EFNA5: variants seen among roughly 807,000 people sequenced by gnomAD.
EFNA5 encodes the protein ephrin A5, also known as ephrin-A5.
A neutral mutation model predicts 22.9 loss-of-function variants in EFNA5; 5 were observed. The observed-to-expected ratio is 0.22, with a 90% CI of 0.11 to 0.46. The LOEUF (loss-of-function observed/expected upper bound fraction) is 0.46, where lower values mean the gene tolerates loss of function less well. Ranked by LOEUF, EFNA5 falls within the 20% of genes least tolerant of loss-of-function variation. The probability of loss-of-function intolerance (pLI) is 0.99; values close to 1 mark genes in which losing one functional copy is unlikely to be tolerated. For missense variants in EFNA5, 237 were observed against 293.3 expected, an observed-to-expected ratio of 0.81 and a Z score of 1.40; for synonymous variants, 113 against 112.2, an observed-to-expected ratio of 1.01 and a Z score of -0.04.
At chr5:107,443,428 G>A (rs1451138079) in intron 1 of EFNA5, among the ~76,000 whole-genome samples, 2 of 152,194 alleles carry the variant, frequency 1.3e-5, no homozygotes, top group African/African-American at 4.8e-5. Context: ...ACCCCCTCAA[G>A]AACAGCATAA....
At chr5:107,662,737 T>C (rs993211765) in intron 1 of EFNA5, among the ~76,000 whole-genome samples, 1 of 149,778 alleles carries the variant, frequency 6.7e-6, no homozygotes, top group Admixed American at 6.7e-5. Context: ...GAGGTACCTA[T>C]ACTCTTATCA....
At chr5:107,590,208 T>C (rs753516437) in intron 1 of EFNA5, among the ~76,000 whole-genome samples, 10 of 151,966 alleles carry the variant, frequency 6.6e-5, no homozygotes, top group Non-Finnish European at 1.3e-4. Flanking sequence ...TAGAAAAAAA[T>C]GCTAAAAGAA....
At chr5:107,480,302 ACTTTT>A (rs1750425126) in intron 1 of EFNA5, among the ~76,000 whole-genome samples, 1 of 152,260 alleles carries the variant, frequency 6.6e-6, no homozygotes, top group Non-Finnish European at 1.5e-5. Context: ...AATAGTCATT[ACTTTT>A]ATTTAAAATT....
chr5:107,429,889 A>G (rs1044855915), intron 1 of EFNA5, among the ~76,000 whole-genome samples: 4 of 152,236 alleles, frequency 2.6e-5, no homozygotes, highest in African/African-American at 9.6e-5. Context: ...ATCCAAAAGG[A>G]AAATCATATA....
chr5:107,402,896 T>C lies in EFNA5; in HGVS notation c.419-15125A>G, dbSNP rs189090062. Among the ~76,000 whole-genome samples, 201 of 152,294 alleles carry C rather than the reference T, an allele frequency of 1.3e-3. 1 individual carries two copies. Among genetic ancestry groups the C allele is most frequent in the African/African-American group, 4.7e-3 (195 of 41,558 alleles). On this transcript the variant is annotated intron_variant, in intron 2 of 4. Coordinates refer to ENST00000333274, the MANE Select transcript of EFNA5 (RefSeq NM_001962.3). ...GGAAAGGAACTGGCCTTGAAGCAGA[T>C]CATGAAGCAAATGTTTTATGCCAAA...
intron 1 of EFNA5, among the ~76,000 whole-genome samples, chr5:107,455,354 A>G (rs372288469): frequency 7.2e-5 from 11 of 152,282 alleles, no homozygotes; most frequent in African/African-American, 2.4e-4. Context: ...TCATGAATAT[A>G]TTTAGTTAGC....
chr5:107,656,131 T>G (rs920570962), intron 1 of EFNA5, among the ~76,000 whole-genome samples: 7 of 152,184 alleles, frequency 4.6e-5, no homozygotes, highest in African/African-American at 1.7e-4. Context: ...ATTTCTCCTT[T>G]GAGATGGAGA....
At chr5:107,403,539 C>A (rs1409964800) in intron 2 of EFNA5, among the ~76,000 whole-genome samples, 1 of 152,192 alleles carries the variant, frequency 6.6e-6, no homozygotes, top group Non-Finnish European at 1.5e-5. Flanking sequence ...GTGTAGTAGC[C>A]TTCTACTGCA....
chr5:107,445,995 G>C (rs979455131), intron 1 of EFNA5, among the ~76,000 whole-genome samples: 2 of 152,194 alleles, frequency 1.3e-5, no homozygotes, highest in African/African-American at 4.8e-5. Context: ...TCAGGAAAGA[G>C]GTTAAGAGAA....
At chr5:107,571,730 C>T (rs1748811718) in intron 1 of EFNA5, among the ~76,000 whole-genome samples, 1 of 152,148 alleles carries the variant, frequency 6.6e-6, no homozygotes, top group African/African-American at 2.4e-5. Context: ...CTGGCAGGAA[C>T]CAAAGGGCTG....
chr5:107,460,696 A>G (rs1404555774), intron 1 of EFNA5, among the ~76,000 whole-genome samples: 2 of 152,210 alleles, frequency 1.3e-5, no homozygotes, highest in Non-Finnish European at 2.9e-5. Flanking sequence ...CTTAACCAAA[A>G]AACAGAAGAG....
At chr5:107,414,433 G>C (rs1748452747) in intron 2 of EFNA5, among the ~76,000 whole-genome samples, 1 of 152,002 alleles carries the variant, frequency 6.6e-6, no homozygotes, top group Admixed American at 6.6e-5. Context: ...ACTGGATTGT[G>C]AGCTCCTAGA....
chr5:107,467,449 T>C (rs1371174190), intron 1 of EFNA5, among the ~76,000 whole-genome samples: 1 of 152,184 alleles, frequency 6.6e-6, no homozygotes, highest in Admixed American at 6.5e-5. Context: ...TGTTGGCTTA[T>C]GACAATAATA....
chr5:107,438,196 C>T (rs1561386308), intron 1 of EFNA5, among the ~76,000 whole-genome samples: 1 of 152,132 alleles, frequency 6.6e-6, no homozygotes, highest in Non-Finnish European at 1.5e-5. Context: ...GGCGGAGAAG[C>T]TTATTATTTG....
chr5:107,642,312 T>C lies in EFNA5; in HGVS notation c.125+28177A>G, dbSNP rs1184149467. ...AATAATATATTGTATACTTCAAAAT[T>C]GCTGAGAGCAGATTTCAAGGGTTCT... is the stretch of plus-strand genomic sequence containing the variant. On this transcript the variant is annotated intron_variant, in intron 1 of 4. Coordinates refer to ENST00000333274, the MANE Select transcript of EFNA5 (RefSeq NM_001962.3). Among the ~76,000 whole-genome samples the C allele has an allele frequency of 2.0e-5, 3 of 152,302 alleles. No individual in the cohort carries two copies. The East Asian group carries it at 5.8e-4, about 29-fold the overall frequency.
intron 2 of EFNA5, among the ~76,000 whole-genome samples, chr5:107,399,319 G>C (rs10065150): frequency 1.8e-3 from 22 of 12,046 alleles, no homozygotes; most frequent in East Asian, 0.017. Context: ...GGAAGGAAAC[G>C]GAAAGGAAAG....
chr5:107,665,057 CTATTCTTAACA>C (rs2112563547), intron 1 of EFNA5, among the ~76,000 whole-genome samples: 1 of 152,262 alleles, frequency 6.6e-6, no homozygotes, highest in Admixed American at 6.5e-5. Flanking sequence ...ATGTAAAATT[CTATTCTTAACA>C]TATTCTCATA....
chr5:107,496,983 G>T (rs934511374), intron 1 of EFNA5, among the ~76,000 whole-genome samples: 6 of 152,200 alleles, frequency 3.9e-5, no homozygotes, highest in African/African-American at 1.4e-4. Flanking sequence ...CCTTTGGCAT[G>T]GCTCACCACC....
chr5:107,598,278 T>C (rs1157248100), intron 1 of EFNA5, among the ~76,000 whole-genome samples: 1 of 152,156 alleles, frequency 6.6e-6, no homozygotes, highest in Non-Finnish European at 1.5e-5. Context: ...TTTTCCTTAC[T>C]GCAGTCCTGC....
Sources: allele counts gnomAD v4.1 joint callset (sites outside exome capture counted in the v4.1 genomes callset), GRCh38; gene constraint gnomAD v4.1.1; transcripts MANE v1.5; gene names NCBI Gene and HGNC (gene_info 2026-07-23, HGNC 2026-07-21).